PSD4: variants seen among roughly 807,000 people sequenced by gnomAD.
The protein encoded by PSD4 is PH and SEC7 domain-containing protein 4.
A neutral mutation model predicts 112.5 loss-of-function variants in PSD4; 59 were observed. That is an observed-to-expected ratio of 0.52 (90% CI 0.43 to 0.65). The LOEUF is 0.65. PSD4 is among the 30% of genes least tolerant of loss of function. PSD4 has a pLI of 0.00. For synonymous variants in PSD4, 533 were observed against 540.0 expected, an observed-to-expected ratio of 0.99 and a Z score of 0.18; for missense variants, 1,267 against 1,352.6, an observed-to-expected ratio of 0.94 and a Z score of 0.99.
intron 11 of PSD4, 122 bp from the exon 12 acceptor site, chr2:113,196,025 T>TG (rs1295089406): frequency 2.3e-6 from 3 of 1,278,500 alleles, no homozygotes; most frequent in Non-Finnish European, 3.3e-6. Context: ...GGACTCCTTG[T>TG]GGGGGGTCCT....
intron 10 of PSD4, among the ~76,000 whole-genome samples, chr2:113,195,504 TG>T (rs1486109024): frequency 6.6e-6 from 1 of 151,138 alleles, no homozygotes; most frequent in Non-Finnish European, 1.5e-5. Flanking sequence ...TGCTTGTTGC[TG>T]GGAAATACTC....
rs901601247 is a variant in PSD4 at position 113,186,214 on chromosome 2, T to C, written c.1587T>C (p.Thr529=). The C allele has an allele frequency of 1.2e-6, 2 of 1,607,526 alleles. No homozygotes were observed. The highest frequency in any genetic ancestry group is 2.7e-5 in the African/African-American group (2 of 74,720). ...AAGGAACAGCCAGGCCTGCAGAGACTGGAGACGTCCAGCCTGACATTCACC... is the reference window on the plus strand; with the variant it reads ...AAGGAACAGCCAGGCCTGCAGAGACCGGAGACGTCCAGCCTGACATTCACC... The part of the protein sequence containing the change: ...KSEGTARPAE[T]GDVQPDIHLT... Residue 529 remains threonine, a synonymous_variant, in exon 5 of 17, where the codon ACT becomes ACC. Coordinates refer to ENST00000245796, the MANE Select transcript of PSD4 (RefSeq NM_012455.3).
rs749902149 is a variant in PSD4 at position 113,195,735 on chromosome 2, C to A, written c.2190C>A (p.Tyr730Ter). 5 of 1,614,122 alleles carry A rather than the reference C, an allele frequency of 3.1e-6. No homozygotes were observed. The highest frequency in any genetic ancestry group is 3.4e-6 in the Non-Finnish European group (4 of 1,180,052). ...GTGTGCTTCTGTTCCAGGCCCTCTA[C>A]TGGTCTATCCGCAGCGAGAAGCTCG... ...NFPKELLKAL[Y>*]WSIRSEKLEW... Residue 730 changes from tyrosine (Y) to a stop codon, truncating the protein, a stop_gained, in exon 11 of 17, where the codon TAC (tyrosine) becomes TAA (stop). Transcript: ENST00000245796. LOFTEE classifies it high-confidence loss of function.
chr2:113,177,787 C>A (rs1172371057), intron 1 of PSD4, among the ~76,000 whole-genome samples: 1 of 152,178 alleles, frequency 6.6e-6, no homozygotes, highest in African/African-American at 2.4e-5. Flanking sequence ...ACATAAAGAA[C>A]CTGCCATCTT....
At chr2:113,186,382 A>T in intron 5 of PSD4, 127 bp downstream of exon 5, 1 of 1,050,536 alleles carries the variant, frequency 9.5e-7, no homozygotes, top group Non-Finnish European at 1.3e-6. Flanking sequence ...AGCAAGGATT[A>T]TATGAGTGGG....
At chr2:113,196,560 T>C (rs770043109) in intron 12 of PSD4, 2 of 431,028 alleles carry the variant, frequency 4.6e-6, no homozygotes, top group Non-Finnish European at 8.4e-6. Context: ...TGTAGTAAGG[T>C]AGAGATTAGA....
rs202241662 is a variant in PSD4 at position 113,185,332 on chromosome 2, G to C, written c.1174-33G>C. 49 of 1,613,244 alleles carry C rather than the reference G, an allele frequency of 3.0e-5. No individual in the cohort carries two copies. The East Asian group carries it at 1.1e-3, about 36-fold the overall frequency. ...CCCATCCACCTCTCTGTGTATCCAG[G>C]GCTCATGGGAATGCCTTTGCCTCTC... On this transcript the variant is annotated intron_variant, in intron 3 of 16. Coordinates refer to ENST00000245796, the MANE Select transcript of PSD4 (RefSeq NM_012455.3).
chr2:113,192,242 A>C (rs1688462267), intron 5 of PSD4, 138 bp from the exon 6 acceptor site: 5 of 811,824 alleles, frequency 6.2e-6, no homozygotes, highest in African/African-American at 5.1e-5. Flanking sequence ...TCTGGCTGTG[A>C]CTCTGTCTCT....
In PSD4 at chr2:113,197,903, T is replaced by C. The variant is rs1688659048; in HGVS notation, c.2614T>C (p.Phe872Leu). 6.3e-7 allele frequency: 1 copy of C among 1,584,192 alleles called. No individual in the cohort carries two copies. The highest frequency in any genetic ancestry group is 8.6e-7 in the Non-Finnish European group (1 of 1,160,332). Residue 872 changes from phenylalanine to leucine, a missense_variant, in exon 14 of 17, where the codon TTC (phenylalanine) becomes CTC (leucine). Physicochemically the swap from Phe to Leu is conservative, Grantham distance 22. This residue lies in a region of PSD4 where 544 missense variants were observed against 648.6 expected (regional missense o/e 0.84). Transcript: ENST00000245796. ...LRTADWRLYL[F>L]QAPTAKEMSS... ...CACGGCTGACTGGCGCCTCTACCTC[T>C]TCCAGGCACCGTAAGTCCCTGGGGT...
In PSD4 at chr2:113,190,406, G is replaced by A. The variant is rs147404063; in HGVS notation, c.1629-1974G>A. The stretch of plus-strand genomic sequence containing the variant: ...TACACTTTAAATGAGTGAATTGGGC[G>A]GTATGTGAATTCTATTTCAAAACAG... On this transcript the variant is annotated intron_variant, in intron 5 of 16. Transcript: ENST00000245796. Among the ~76,000 whole-genome samples the A allele has an allele frequency of 9.2e-5, 14 of 152,178 alleles. 1 individual carries two copies. Among genetic ancestry groups the A allele is most frequent in the South Asian group, 8.3e-4 (4 of 4,812 alleles).
Position 113,179,802 on chromosome 2 carries a change from C to T in PSD4, c.-111-2544C>T, listed in dbSNP as rs150790285. 3.9e-4 allele frequency among the ~76,000 whole-genome samples: 59 copies of T among 152,282 alleles called. 1 individual carries two copies. The highest frequency in any genetic ancestry group is 1.4e-3 in the African/African-American group (58 of 41,570). ...AAACATAAGAAAGGGCCTCTCCTCT[C>T]GGAAAGTCAGCCTGTTGGGGAGGCT... On this transcript the variant is annotated intron_variant, in intron 1 of 16. Coordinates refer to ENST00000245796, the MANE Select transcript of PSD4 (RefSeq NM_012455.3).
intron 2 of PSD4, 29 bp downstream of exon 2, chr2:113,183,541 G>A: frequency 6.6e-7 from 1 of 1,505,144 alleles, no homozygotes; most frequent in Non-Finnish European, 8.9e-7. Context: ...ACCAACCGGG[G>A]CTGTGCTGGG....
chr2:113,174,992 C>G (rs1336824222), intron 1 of PSD4, among the ~76,000 whole-genome samples: 1 of 152,176 alleles, frequency 6.6e-6, no homozygotes, highest in Non-Finnish European at 1.5e-5. Flanking sequence ...TCCCAGCTGC[C>G]TAGGACTCTA....
rs752446268 is a variant in PSD4 at position 113,193,045 on chromosome 2, C to T, written c.1839-3C>T. ...AGACTCCATGCCCCTTTTCCCTCTG[C>T]AGCAATGACTTTAGCAGGGCTGTGG... On this transcript the variant is annotated splice_polypyrimidine_tract_variant and splice_region_variant and intron_variant, in intron 6 of 16. Transcript: ENST00000245796. 6.2e-7 allele frequency: 1 copy of T among 1,613,734 alleles called. No individual in the cohort carries two copies. The highest frequency in any genetic ancestry group is 1.3e-5 in the African/African-American group (1 of 75,076).
At chr2:113,197,658 G>A (rs1688649562) in intron 13 of PSD4, 24 bp downstream of exon 13, 2 of 1,614,170 alleles carry the variant, frequency 1.2e-6, no homozygotes, top group African/African-American at 1.3e-5. Context: ...CAACACCCCT[G>A]TCAGAATGGG....
At position 113,193,175 on chromosome 2, in the gene PSD4, G is replaced by T. The variant is rs778787502; in HGVS notation, c.1919+47G>T. ...TGGGGAGGCTGTGGAGGATGGCATG[G>T]GGCAGTGGCACCAGCCTGAGGCTGG... is the stretch of plus-strand genomic sequence containing the variant. On this transcript the variant is annotated intron_variant, in intron 7 of 16. Transcript: ENST00000245796. 3.0e-5 allele frequency: 48 copies of T among 1,604,768 alleles called. No individual in the cohort carries two copies. The South Asian group carries it at 5.0e-4, about 17-fold the overall frequency.
At chr2:113,175,132 A>C (rs1033165207) in intron 1 of PSD4, 1 of 152,214 alleles carries the variant, frequency 6.6e-6, no homozygotes, top group African/African-American at 2.4e-5. Context: ...GTGGGGTGAG[A>C]GGACCCAGGG....
Position 113,201,326 on chromosome 2 carries a change from G to C in PSD4, c.3082G>C (p.Ala1028Pro). The C allele has an allele frequency of 6.2e-7, 1 of 1,614,160 alleles. No individual in the cohort carries two copies. ...HSSPSLHQDE[A>P]PTTAKVKRNI... ...GAGCCCGTCCCTGCACCAGGATGAG[G>C]CTCCCACCACGGCCAAGGTGAAGCG... The change falls in exon 17 of 17, where the codon GCT (alanine) becomes CCT (proline). Residue 1028 changes from alanine (A) to proline (P), a missense_variant. Transcript: ENST00000245796.
At chr2:113,186,356 A>T in intron 5 of PSD4, 101 bp downstream of exon 5, 1 of 1,262,560 alleles carries the variant, frequency 7.9e-7, no homozygotes, top group Non-Finnish European at 1.1e-6. Flanking sequence ...GGAATTAAAC[A>T]TACCCATATT....
Sources: allele counts gnomAD v4.1 joint callset (sites outside exome capture counted in the v4.1 genomes callset), GRCh38; gene constraint gnomAD v4.1.1; regional missense constraint gnomAD v4.1.1; transcripts MANE v1.5; gene names NCBI Gene and HGNC (gene_info 2026-07-23, HGNC 2026-07-21).